The following DNAJC5 variants were observed in gnomAD, a reference collection of about 807,000 sequenced individuals.
The protein encoded by DNAJC5 is DnaJ heat shock protein family (Hsp40) member C5.
Under a neutral mutation model 23.2 loss-of-function variants are expected in DNAJC5, and 1 was observed. That is an observed-to-expected ratio of 0.04 (90% CI 0.02 to 0.20). The LOEUF (loss-of-function observed/expected upper bound fraction) is 0.20, where lower values mean the gene tolerates loss of function less well. DNAJC5 is among the 10% of genes least tolerant of loss of function. The probability of loss-of-function intolerance (pLI) is 1.00; values close to 1 mark genes in which losing one functional copy is unlikely to be tolerated. For synonymous variants in DNAJC5, 136 were observed against 120.0 expected (o/e 1.13, Z -0.87); for missense variants, 180 against 267.0 (o/e 0.67, Z 2.27).
rs6011217 is a variant in DNAJC5, at chr20:63,905,428, G to A, written c.-12+10105G>A. Among the ~76,000 whole-genome samples the A allele has an allele frequency of 3.0e-3, 456 of 151,810 alleles. 3 individuals carry two copies. Among genetic ancestry groups the A allele is most frequent in the African/African-American group, 0.011 (442 of 41,392 alleles). ...ACCACACCCGGGGCTGGATTTTTTT[G>A]TTTTAAGAGACAAGGTCTCACACTC... is the stretch of plus-strand genomic sequence containing the variant. On this transcript the variant is annotated intron_variant, in intron 1 of 4. Transcript: ENST00000360864.
In DNAJC5 at chr20:63,931,517, C is replaced by A; in HGVS notation, c.546C>A (p.Thr182=). ...AGCCGGCATCCGCCACCGAGACCAC[C>A]CAGCTCACAGCCGACTCCCACCCCA... ...VIQPASATET[T]QLTADSHPSY... The change falls in exon 5 of 5, where the codon ACC becomes ACA. Residue 182 remains threonine (T), a synonymous_variant. Coordinates refer to ENST00000360864, the MANE Select transcript of DNAJC5 (RefSeq NM_025219.3). The surrounding 1 kb of genome is among the most constrained non-coding windows in gnomAD (Gnocchi z 9.6). 1 of 1,584,094 alleles carries A rather than the reference C, an allele frequency of 6.3e-7. No homozygotes were observed.
At chr20:63,913,722 G>A (rs1158377213) in intron 1 of DNAJC5, among the ~76,000 whole-genome samples, 3 of 151,924 alleles carry the variant, frequency 2.0e-5, no homozygotes, top group Non-Finnish European at 2.9e-5. Context: ...TAGGGATTGC[G>A]GGCACCTACG....
chr20:63,898,348 C>T (rs778808437), intron 1 of DNAJC5, among the ~76,000 whole-genome samples: 1 of 152,126 alleles, frequency 6.6e-6, no homozygotes, highest in Non-Finnish European at 1.5e-5. Context: ...ATGTGATACC[C>T]AGTTAGGAGT....
rs76284561 is a variant in DNAJC5, at chr20:63,922,597, G to A, written c.-11-5738G>A. Among the ~76,000 whole-genome samples the A allele has an allele frequency of 2.2e-3, 336 of 151,862 alleles. 7 individuals are homozygous for A. The East Asian group carries it at 0.049, about 22-fold the overall frequency. ...GATCAGCCTGAGCAACATAGACCCC[G>A]TCTCTGCAAAAAATTTCTAAAAACT... is the stretch of plus-strand genomic sequence containing the variant. On this transcript the variant is annotated intron_variant, in intron 1 of 4. Coordinates refer to ENST00000360864, the MANE Select transcript of DNAJC5 (RefSeq NM_025219.3).
At chr20:63,910,328 A>G (rs2146280183) in intron 1 of DNAJC5, among the ~76,000 whole-genome samples, 1 of 152,044 alleles carries the variant, frequency 6.6e-6, no homozygotes, top group East Asian at 2.0e-4. Context: ...GCAGATCACA[A>G]GGTCAGGAGA....
Position 63,901,535 on chromosome 20 carries a change from C to T in DNAJC5, c.-12+6212C>T, listed in dbSNP as rs565559666. ...AGCTGAATTCAGGTGCCAGAGGCTG[C>T]GTCCGCGCGCTCCACATCAGTCTCA... On this transcript the variant is annotated intron_variant, in intron 1 of 4. Transcript: ENST00000360864. Among the ~76,000 whole-genome samples the T allele has an allele frequency of 4.6e-5, 7 of 152,344 alleles. No homozygotes were observed. The South Asian group carries it at 6.2e-4, about 14-fold the overall frequency.
rs1216840252 is a variant in DNAJC5, at chr20:63,895,334, T to A, written c.-12+11T>A. 6.9e-6 allele frequency: 1 copy of A among 143,998 alleles called. No homozygotes were observed. The highest frequency in any genetic ancestry group is 2.5e-5 in the African/African-American group (1 of 39,774). 8.9% of individuals were successfully genotyped at this position (143,998 alleles called of 1,614,324 possible). The stretch of plus-strand genomic sequence containing the variant: ...CGGGCGGACGGGCAGGTGAGCTCGC[T>A]GCGGGTCGGGCGGGCGGATCGGCCC... On this transcript the variant is annotated intron_variant, in intron 1 of 4. Transcript: ENST00000360864.
chr20:63,923,544 A>G lies in DNAJC5; in HGVS notation c.-11-4791A>G, dbSNP rs189790472. Among the ~76,000 whole-genome samples, 179 of 152,186 alleles carry G rather than the reference A, an allele frequency of 1.2e-3. 1 individual carries two copies. The highest frequency in any genetic ancestry group is 2.1e-3 in the Non-Finnish European group (141 of 68,004). On this transcript the variant is annotated intron_variant, in intron 1 of 4. Coordinates refer to ENST00000360864, the MANE Select transcript of DNAJC5 (RefSeq NM_025219.3). ...GCTTGAGTCTGGGAGTTTGAGACCAACAAGATCCTGACTCTATAAAAATTT... is the reference window on the plus strand; with the variant it reads ...GCTTGAGTCTGGGAGTTTGAGACCAGCAAGATCCTGACTCTATAAAAATTT...
At chr20:63,900,120 C>T (rs2053402397) in intron 1 of DNAJC5, among the ~76,000 whole-genome samples, 1 of 150,044 alleles carries the variant, frequency 6.7e-6, no homozygotes, top group South Asian at 2.1e-4. Context: ...AACTCCTGAC[C>T]TCAGGTGATC....
At chr20:63,912,421 T>G (rs899231299) in intron 1 of DNAJC5, among the ~76,000 whole-genome samples, 1 of 152,192 alleles carries the variant, frequency 6.6e-6, no homozygotes, top group African/African-American at 2.4e-5. Flanking sequence ...TTTACAGAGT[T>G]AATTGGGTTT....
intron 1 of DNAJC5, among the ~76,000 whole-genome samples, chr20:63,919,179 G>T (rs1289374606): frequency 1.3e-5 from 2 of 152,188 alleles, no homozygotes; most frequent in South Asian, 2.1e-4. Flanking sequence ...GGACCTGCTA[G>T]ACTGCAAGCT....
intron 1 of DNAJC5, among the ~76,000 whole-genome samples, chr20:63,914,016 G>A (rs995664440): frequency 2.0e-5 from 3 of 152,162 alleles, no homozygotes; most frequent in African/African-American, 7.2e-5. Context: ...CACCTGCCCA[G>A]CCACCATCTT....
At chr20:63,902,763 C>T (rs1043358192) in intron 1 of DNAJC5, among the ~76,000 whole-genome samples, 3 of 149,414 alleles carry the variant, frequency 2.0e-5, no homozygotes, top group African/African-American at 7.4e-5. Context: ...GCAAGCTCTG[C>T]CACCTGGGTT....
intron 1 of DNAJC5, chr20:63,919,318 C>T (rs1459404260): frequency 6.2e-6 from 3 of 484,866 alleles, no homozygotes; most frequent in Non-Finnish European, 1.2e-5. Context: ...GTGATCGATG[C>T]ATCGTAACTG....
At chr20:63,918,980 T>C (rs993699465) in intron 1 of DNAJC5, among the ~76,000 whole-genome samples, 1 of 152,278 alleles carries the variant, frequency 6.6e-6, no homozygotes, top group African/African-American at 2.4e-5. Context: ...CCTTTTAAGA[T>C]GTTTTCATAT....
At chr20:63,909,647 C>G (rs1371314151) in intron 1 of DNAJC5, among the ~76,000 whole-genome samples, 1 of 152,228 alleles carries the variant, frequency 6.6e-6, no homozygotes, top group East Asian at 1.9e-4. Context: ...TGCCACTGCA[C>G]TCCAGCCTGG....
Position 63,911,980 on chromosome 20 carries a change from A to G in DNAJC5, c.-11-16355A>G, listed in dbSNP as rs532945238. Among the ~76,000 whole-genome samples, 18 of 152,150 alleles carry G rather than the reference A, an allele frequency of 1.2e-4. No individual in the cohort carries two copies. In the South Asian group the frequency reaches 2.5e-3, roughly 21 times the overall value. ...GGCATGAACTGCCATGGCCGGCTGG[A>G]AAGTCTTTACATTTGAAATTCATTT... On this transcript the variant is annotated intron_variant, in intron 1 of 4. Transcript: ENST00000360864.
intron 1 of DNAJC5, among the ~76,000 whole-genome samples, chr20:63,924,624 G>A (rs537124612): frequency 1.3e-5 from 2 of 151,850 alleles, no homozygotes; most frequent in Non-Finnish European, 2.9e-5. Context: ...GAGGCCGAGG[G>A]GGGGATTGAC....
At chr20:63,915,257 A>T (rs1316415020) in intron 1 of DNAJC5, among the ~76,000 whole-genome samples, 1 of 152,182 alleles carries the variant, frequency 6.6e-6, no homozygotes, top group African/African-American at 2.4e-5. Flanking sequence ...TTGAACAAAA[A>T]AGGGGAAAAA....
Sources: allele counts gnomAD v4.1 joint callset (sites outside exome capture counted in the v4.1 genomes callset), GRCh38; gene constraint gnomAD v4.1.1; non-coding constraint Gnocchi (gnomAD v3.1); transcripts MANE v1.5; gene names NCBI Gene and HGNC (gene_info 2026-07-23, HGNC 2026-07-21).